ROCK2: variants seen among roughly 807,000 people sequenced by gnomAD.
ROCK2 encodes the protein rho-associated protein kinase 2.
A neutral mutation model predicts 195.1 loss-of-function variants in ROCK2; 61 were observed. That is an observed-to-expected ratio of 0.31 (90% CI 0.25 to 0.39). The LOEUF (loss-of-function observed/expected upper bound fraction) is 0.39, where lower values mean the gene tolerates loss of function less well. Among genes scored for constraint, ROCK2 ranks in the 10% least tolerant of loss-of-function variants. ROCK2 has a pLI of 1.00. For missense variants in ROCK2, 1,109 were observed against 1,637.4 expected (o/e 0.68, Z 5.57); for synonymous variants, 504 against 545.5 (o/e 0.92, Z 1.06).
chr2:11,198,586 C>T lies in ROCK2; in HGVS notation c.3005-1G>A. ...TCTTCATCTTTCAATCTTGACAGTT[C>T]TGAAACATGGAAAAAAGTTAAAATT... On this transcript the variant is annotated splice_acceptor_variant, in intron 24 of 32. Transcript: ENST00000315872. LOFTEE classifies it high-confidence loss of function. The T allele has an allele frequency of 6.2e-7, 1 of 1,612,174 alleles. No individual in the cohort carries two copies. The highest frequency in any genetic ancestry group is 8.5e-7 in the Non-Finnish European group (1 of 1,179,024).
At chr2:11,293,947 A>T (rs1201700311) in intron 1 of ROCK2, among the ~76,000 whole-genome samples, 2 of 152,158 alleles carry the variant, frequency 1.3e-5, no homozygotes, top group Non-Finnish European at 2.9e-5. Context: ...TCGTGAGGTC[A>T]GGAGATCGAG....
chr2:11,205,724 T>C (rs947549022), intron 20 of ROCK2, among the ~76,000 whole-genome samples: 3 of 152,168 alleles, frequency 2.0e-5, no homozygotes, highest in Non-Finnish European at 4.4e-5. Flanking sequence ...CTTTCTATCT[T>C]TCATAGTAAC....
intron 3 of ROCK2, among the ~76,000 whole-genome samples, chr2:11,273,401 A>G (rs1483744644): frequency 6.6e-6 from 1 of 151,840 alleles, no homozygotes; most frequent in East Asian, 1.9e-4. Flanking sequence ...GGTTACAGGA[A>G]ACAAAAAAAA....
Position 11,195,010 on chromosome 2 carries a change from C to G in ROCK2, c.3464G>C (p.Gly1155Ala). 2 of 1,573,630 alleles carry G rather than the reference C, an allele frequency of 1.3e-6. No homozygotes were observed. Among genetic ancestry groups the G allele is most frequent in the African/African-American group, 1.4e-5 (1 of 73,804 alleles). The change falls in exon 28 of 33, where the codon GGA becomes GCA. Residue 1155 changes from glycine (G) to alanine (A), a missense_variant. By Grantham distance (60) the Gly-to-Ala change is moderately conservative (BLOSUM62 0). Around this residue, in one of 6 missense-constraint regions of ROCK2, gnomAD observed 221 missense variants for 355.1 expected, o/e 0.62. Transcript: ENST00000315872. Reference sequence around the variant, plus strand: ...GTTTCGTACAGGCAATGAAAGCCATCCTTCTAATCTTGATTCTACAAATAA... The same window carrying G: ...GTTTCGTACAGGCAATGAAAGCCATGCTTCTAATCTTGATTCTACAAATAA... The part of the protein sequence containing the change: ...DDGFPESRLE[G>A]WLSLPVRNNT...
intron 1 of ROCK2, among the ~76,000 whole-genome samples, chr2:11,342,940 C>A (rs150658694): frequency 6.6e-6 from 1 of 152,206 alleles, no homozygotes; most frequent in Non-Finnish European, 1.5e-5. Context: ...AAAAGCCAGT[C>A]CGTCCGTCCC....
rs571148327 is a variant in ROCK2, at chr2:11,233,229, A to G, written c.723+2473T>C. ...CCGTGTCTACAATAACAACAAAAAA[A>G]GATTAATGTAATTTTTACAAATCTT... On this transcript the variant is annotated intron_variant, in intron 5 of 32. Transcript: ENST00000315872. Among the ~76,000 whole-genome samples the G allele has an allele frequency of 1.2e-4, 19 of 152,338 alleles. No individual in the cohort carries two copies. In the East Asian group the frequency reaches 3.3e-3, roughly 26 times the overall value.
At chr2:11,323,462 A>C (rs941462492) in intron 1 of ROCK2, among the ~76,000 whole-genome samples, 1 of 152,202 alleles carries the variant, frequency 6.6e-6, no homozygotes, top group Non-Finnish European at 1.5e-5. Flanking sequence ...AATTGGGTGA[A>C]ATTACATACT....
At chr2:11,309,069 G>C in intron 1 of ROCK2, 1 of 1,375,428 alleles carries the variant, frequency 7.3e-7, no homozygotes, top group Non-Finnish European at 9.9e-7. Flanking sequence ...AGGCCGGAGG[G>C]AGTCCAATGC....
At chr2:11,223,170 T>C (rs1311286162) in intron 7 of ROCK2, among the ~76,000 whole-genome samples, 1 of 152,156 alleles carries the variant, frequency 6.6e-6, no homozygotes, top group Non-Finnish European at 1.5e-5. Flanking sequence ...GTCATTTCCA[T>C]TTTACTTTGA....
intron 1 of ROCK2, among the ~76,000 whole-genome samples, chr2:11,322,151 G>A (rs4669709): frequency 0.81 from 122,888 of 151,930 alleles, 51,279 homozygotes; most frequent in East Asian, 0.99. Flanking sequence ...GGACTTCCAG[G>A]CTCCAGAACT....
chr2:11,226,231 T>C (rs1664806871), intron 6 of ROCK2, among the ~76,000 whole-genome samples: 2 of 152,236 alleles, frequency 1.3e-5, no homozygotes, highest in South Asian at 4.1e-4. Flanking sequence ...AAGGTACTAG[T>C]ATTTTTATGA....
chr2:11,267,261 T>TC (rs1666450242), intron 3 of ROCK2, among the ~76,000 whole-genome samples: 1 of 152,110 alleles, frequency 6.6e-6, no homozygotes, highest in Admixed American at 6.6e-5. Flanking sequence ...ATATTATTAA[T>TC]CCCCCATAAT....
chr2:11,280,364 C>T (rs1160258973), intron 3 of ROCK2, among the ~76,000 whole-genome samples: 1 of 151,922 alleles, frequency 6.6e-6, no homozygotes, highest in Non-Finnish European at 1.5e-5. Context: ...TGACTCATGC[C>T]TGAAATCCCA....
At chr2:11,280,462 G>GAAA (rs767122690) in intron 3 of ROCK2, among the ~76,000 whole-genome samples, 7 of 92,504 alleles carry the variant, frequency 7.6e-5, no homozygotes, top group Admixed American at 1.2e-4. Flanking sequence ...CATCTCTACA[G>GAAA]AAAAAAAAAA....
At chr2:11,317,191 A>G (rs1668220872) in intron 1 of ROCK2, among the ~76,000 whole-genome samples, 1 of 152,138 alleles carries the variant, frequency 6.6e-6, no homozygotes, top group African/African-American at 2.4e-5. Context: ...TGTCAACATG[A>G]TAAGAAACAA....
intron 5 of ROCK2, among the ~76,000 whole-genome samples, chr2:11,229,925 A>T (rs1247754092): frequency 3.9e-5 from 6 of 152,212 alleles, no homozygotes; most frequent in Non-Finnish European, 8.8e-5. Flanking sequence ...CACGAAAGAA[A>T]TTACAAAAAA....
At chr2:11,198,437 AAG>A (rs1313544637) in intron 25 of ROCK2, 52 bp downstream of exon 25, 8 of 1,230,206 alleles carry the variant, frequency 6.5e-6, no homozygotes, top group Admixed American at 1.8e-5. Context: ...TAAAATGTAA[AAG>A]AGATAAACTG....
At chr2:11,216,623 G>A (rs1664439647) in intron 12 of ROCK2, among the ~76,000 whole-genome samples, 1 of 149,180 alleles carries the variant, frequency 6.7e-6, no homozygotes, top group Non-Finnish European at 1.5e-5. Flanking sequence ...CGACTGTCCC[G>A]CCTCAGCCTC....
At chr2:11,257,339 G>A (rs1356098900) in intron 3 of ROCK2, among the ~76,000 whole-genome samples, 1 of 151,440 alleles carries the variant, frequency 6.6e-6, no homozygotes, top group Non-Finnish European at 1.5e-5. Context: ...CAGCTGCAGT[G>A]GCGGCGTCAC....
Sources: gnomAD v4.1 joint callset for allele counts (sites outside exome capture counted in the v4.1 genomes callset) on GRCh38, gnomAD v4.1.1 for gene constraint, gnomAD v4.1.1 regional missense constraint, MANE v1.5 for transcripts, NCBI Gene and HGNC (gene_info 2026-07-23, HGNC 2026-07-21) for gene names.